EFHB: variants seen among roughly 807,000 people sequenced by gnomAD.
EFHB encodes EF-hand domain family member B.
A neutral mutation model predicts 87.2 loss-of-function variants in EFHB; 91 were observed. The ratio of observed to expected loss-of-function variants is 1.04; its 90% CI spans 0.88 to 1.24. The LOEUF (loss-of-function observed/expected upper bound fraction) is 1.24, where lower values mean the gene tolerates loss of function less well. Among genes scored for constraint, EFHB ranks in the 50% most tolerant of loss-of-function variants. The pLI is 0.00. For synonymous variants in EFHB, 325 were observed against 333.6 expected (o/e 0.97, Z 0.28); for missense variants, 1,084 against 998.8 (o/e 1.09, Z -1.15).
intron 9 of EFHB, among the ~76,000 whole-genome samples, chr3:19,890,227 C>G (rs1468774635): frequency 2.0e-5 from 3 of 152,198 alleles, no homozygotes; most frequent in African/African-American, 7.2e-5. Context: ...ATATTTCTTA[C>G]TTACTAGTGC....
intron 5 of EFHB, among the ~76,000 whole-genome samples, chr3:19,909,851 T>C (rs9842762): frequency 0.039 from 6,008 of 152,114 alleles, 400 homozygotes; most frequent in African/African-American, 0.14. Flanking sequence ...AGGATGTGTC[T>C]TTCCTTCACT....
intron 1 of EFHB, among the ~76,000 whole-genome samples, chr3:19,931,640 T>A (rs1695835293): frequency 6.6e-6 from 1 of 152,218 alleles, no homozygotes. Context: ...TGGAATCTCT[T>A]ACTCACATTA....
At chr3:19,895,746 T>G (rs1419807532) in intron 9 of EFHB, among the ~76,000 whole-genome samples, 1 of 152,184 alleles carries the variant, frequency 6.6e-6, no homozygotes, top group African/African-American at 2.4e-5. Context: ...GATACTTAGA[T>G]GAAGTGCAAT....
Position 19,919,953 on chromosome 3 carries a change from T to G in EFHB, c.876A>C (p.Lys292Asn). ...LPRLITPPEA[K>N]KYFNFRYPPA... is the part of the protein sequence containing the mutation. ...GTGGATATCTGAAGTTGAAATACTT[T>G]TTTGCTTCAGGTGGAGTAATTAGCT... Residue 292 changes from lysine to asparagine, a missense_variant, in exon 3 of 13, where the codon AAA (lysine) becomes AAC (asparagine). By Grantham distance (94) the Lys-to-Asn change is moderately conservative. Transcript: ENST00000295824. The G allele has an allele frequency of 6.2e-7, 1 of 1,613,732 alleles. No individual in the cohort carries two copies. Among genetic ancestry groups the G allele is most frequent in the Non-Finnish European group, 8.5e-7 (1 of 1,179,786 alleles).
Position 19,898,854 on chromosome 3 carries a change from G to A in EFHB, c.1503-9C>T. On this transcript the variant is annotated splice_polypyrimidine_tract_variant and intron_variant, in intron 7 of 12. Transcript: ENST00000295824. ...TCATTGTTTCTGCAATGCTATCAAAGAAAACAAATCCTTAGTTAAAATACC... is the reference window on the plus strand; with the variant it reads ...TCATTGTTTCTGCAATGCTATCAAAAAAAACAAATCCTTAGTTAAAATACC... 1.2e-6 allele frequency: 2 copies of A among 1,613,164 alleles called. No individual in the cohort carries two copies. Among genetic ancestry groups the A allele is most frequent in the Non-Finnish European group, 1.7e-6 (2 of 1,179,526 alleles).
intron 5 of EFHB, among the ~76,000 whole-genome samples, chr3:19,908,117 A>G (rs1283799452): frequency 6.6e-6 from 1 of 152,266 alleles, no homozygotes; most frequent in Non-Finnish European, 1.5e-5. Flanking sequence ...AGATACTGAC[A>G]TGAAAAGACA....
At chr3:19,934,255 G>C (rs1349320802), upstream of EFHB, 3 of 1,417,394 alleles carry the variant, frequency 2.1e-6, no homozygotes, top group Admixed American at 5.9e-5. Flanking sequence ...GCGGGGCTTG[G>C]CGCTCAAGTC....
upstream of EFHB, among the ~76,000 whole-genome samples, chr3:19,937,785 A>G (rs778712173): frequency 6.6e-5 from 10 of 152,058 alleles, no homozygotes; most frequent in Non-Finnish European, 1.5e-4. Context: ...CGCTTGTGGC[A>G]TATTTGTGGT....
chr3:19,880,293 A>G (rs1318578950), intron 12 of EFHB, among the ~76,000 whole-genome samples: 1 of 151,114 alleles, frequency 6.6e-6, no homozygotes, highest in Non-Finnish European at 1.5e-5. Flanking sequence ...TCTGTTGCCC[A>G]GGCTGGAGTG....
upstream of EFHB, among the ~76,000 whole-genome samples, chr3:19,938,122 C>T (rs1264083228): frequency 3.3e-5 from 5 of 152,174 alleles, no homozygotes; most frequent in South Asian, 2.1e-4. Flanking sequence ...ACCTAGGTTC[C>T]CTTCACCTGG....
At chr3:19,894,310 T>G (rs1298484353) in intron 9 of EFHB, among the ~76,000 whole-genome samples, 2 of 152,210 alleles carry the variant, frequency 1.3e-5, no homozygotes, top group Non-Finnish European at 2.9e-5. Flanking sequence ...GTAAGCTTGC[T>G]GCAAATTTAA....
At chr3:19,902,335 C>T (rs759112648) in intron 6 of EFHB, among the ~76,000 whole-genome samples, 2 of 151,896 alleles carry the variant, frequency 1.3e-5, no homozygotes, top group Admixed American at 6.6e-5. Context: ...AGATAGAGAT[C>T]GTTTTTGTTT....
chr3:19,924,111 T>C (rs1338613846), intron 1 of EFHB, among the ~76,000 whole-genome samples: 1 of 152,172 alleles, frequency 6.6e-6, no homozygotes, highest in African/African-American at 2.4e-5. Context: ...CCTAAATCAT[T>C]ATTCCTATGA....
upstream of EFHB, chr3:19,934,277 G>A: frequency 7.3e-7 from 1 of 1,376,138 alleles, no homozygotes; most frequent in Non-Finnish European, 9.4e-7. Flanking sequence ...TGCTTGGACA[G>A]ATCCCTGCCC....
chr3:19,933,656 G>C lies in EFHB; in HGVS notation c.363C>G (p.Thr121=). ...LENESLLAGY[T]HERIIQPPLG... ...AAGGAGGCTGTATTATCCGTTCATG[G>C]GTATATCCTGCAAGAAGACTCTCAT... Residue 121 remains threonine (T), a synonymous_variant, in exon 1 of 13, where the codon ACC becomes ACG. Coordinates refer to ENST00000295824, the MANE Select transcript of EFHB (RefSeq NM_144715.4). 1 of 1,613,952 alleles carries C rather than the reference G, an allele frequency of 6.2e-7. No individual in the cohort carries two copies. The highest frequency in any genetic ancestry group is 8.5e-7 in the Non-Finnish European group (1 of 1,179,884).
rs192797683 is a variant in EFHB at position 19,913,339 on chromosome 3, T to A, written c.1288+1964A>T. ...AAGAAAACTATTAGAACTGATAAAT[T>A]CAGTAAAGTTACAAGATACAAAATA... On this transcript the variant is annotated intron_variant, in intron 5 of 12. Transcript: ENST00000295824. 2.0e-5 allele frequency among the ~76,000 whole-genome samples: 3 copies of A among 152,274 alleles called. No individual in the cohort carries two copies. The East Asian group carries it at 5.8e-4, about 29-fold the overall frequency.
chr3:19,943,033 C>G (rs559071733), intron 1 of EFHB: 13 of 317,376 alleles, frequency 4.1e-5, no homozygotes, highest in Non-Finnish European at 4.9e-5. Flanking sequence ...TATTCACTAC[C>G]ATGAAGGGCC....
At chr3:19,911,432 C>T (rs760170581) in intron 5 of EFHB, among the ~76,000 whole-genome samples, 10 of 151,858 alleles carry the variant, frequency 6.6e-5, no homozygotes, top group Non-Finnish European at 1.0e-4. Flanking sequence ...CGTGATGGTG[C>T]CTGTAATCCC....
rs79080019 is a variant in EFHB at position 19,892,889 on chromosome 3, T to TAAAATAAAATAAAATAAAATAATAAG, written c.1725+3797_1725+3798insCTTATTATTTTATTTTATTTTATTTT. On this transcript the variant is annotated intron_variant, in intron 9 of 12. Coordinates refer to ENST00000295824, the MANE Select transcript of EFHB (RefSeq NM_144715.4). ...AATAAAATAAAATAAAATAAAATAA[T>TAAAATAAAATAAAATAAAATAATAAG]ATAAAATCAGTATGTTCCATCCCAG... Among the ~76,000 whole-genome samples the TAAAATAAAATAAAATAAAATAATAAG allele has an allele frequency of 2.0e-3, 294 of 147,904 alleles. 3 individuals are homozygous for TAAAATAAAATAAAATAAAATAATAAG. Among genetic ancestry groups the TAAAATAAAATAAAATAAAATAATAAG allele is most frequent in the African/African-American group, 6.8e-3 (268 of 39,496 alleles).
Sources: gnomAD v4.1 joint callset for allele counts (sites outside exome capture counted in the v4.1 genomes callset) on GRCh38, gnomAD v4.1.1 for gene constraint, MANE v1.5 for transcripts, NCBI Gene and HGNC (gene_info 2026-07-23, HGNC 2026-07-21) for gene names.